The following LMAN1 variants were observed in gnomAD, a reference collection of about 807,000 sequenced individuals.
The protein encoded by LMAN1 is lectin, mannose binding 1.
Under a neutral mutation model 67.8 loss-of-function variants are expected in LMAN1, and 32 were observed. The ratio of observed to expected loss-of-function variants is 0.47; its 90% CI spans 0.36 to 0.63. The LOEUF (loss-of-function observed/expected upper bound fraction) is 0.63. Ranked by LOEUF, LMAN1 falls within the 30% of genes least tolerant of loss-of-function variation. The pLI, the probability that LMAN1 is intolerant of heterozygous loss-of-function variation, is 0.00. For synonymous variants in LMAN1, 235 were observed against 219.3 expected (o/e 1.07, Z -0.63); for missense variants, 632 against 628.2 (o/e 1.01, Z -0.06).
intron 7 of LMAN1, among the ~76,000 whole-genome samples, chr18:59,346,840 A>G (rs900930510): frequency 6.6e-6 from 1 of 152,016 alleles, no homozygotes; most frequent in Non-Finnish European, 1.5e-5. Flanking sequence ...TCTAATAATA[A>G]CCACTACCAT....
At chr18:59,342,021 C>G (rs1021014340) in intron 8 of LMAN1, among the ~76,000 whole-genome samples, 2 of 151,916 alleles carry the variant, frequency 1.3e-5, no homozygotes, top group Admixed American at 6.6e-5. Flanking sequence ...CACAAATACA[C>G]AAAAGATCGT....
At chr18:59,356,706 A>T (rs921580503) in intron 1 of LMAN1, among the ~76,000 whole-genome samples, 1 of 152,218 alleles carries the variant, frequency 6.6e-6, no homozygotes, top group Non-Finnish European at 1.5e-5. Context: ...CTGAACACAG[A>T]ATCAGAAGAC....
intron 12 of LMAN1, 95 bp downstream of exon 12, chr18:59,331,323 T>C: frequency 7.6e-7 from 1 of 1,314,458 alleles, no homozygotes; most frequent in Non-Finnish European, 1.1e-6. Flanking sequence ...TTATAGGTGG[T>C]GAAAATTGTA....
chr18:59,349,363 C>T (rs1338857201), intron 5 of LMAN1, 127 bp from the exon 6 acceptor site: 1 of 867,342 alleles, frequency 1.2e-6, no homozygotes, highest in African/African-American at 1.7e-5. Context: ...AATAACGTTT[C>T]CTACTTGGTG....
chr18:59,329,075 T>C lies in LMAN1; in HGVS notation c.*2018A>G, dbSNP rs909215639. On this transcript the variant is annotated 3_prime_UTR_variant, in exon 13 of 13. Transcript: ENST00000251047. Reference sequence around the variant, plus strand: ...TGATTTTTCCACAGAGCAAACCTTTTTGTTCAGAAATGAGCTCCTTAAAGT... The same window carrying C: ...TGATTTTTCCACAGAGCAAACCTTTCTGTTCAGAAATGAGCTCCTTAAAGT... 1 of 152,316 alleles carries C rather than the reference T, an allele frequency of 6.6e-6. No individual in the cohort carries two copies. Among genetic ancestry groups the C allele is most frequent in the Non-Finnish European group, 1.5e-5 (1 of 68,028 alleles). 9.4% of individuals were successfully genotyped at this position (152,316 alleles called of 1,614,324 possible).
At position 59,330,993 on chromosome 18, in the gene LMAN1, AAATT is replaced by A. The variant is rs772961315; in HGVS notation, c.*96_*99del. On this transcript the variant is annotated 3_prime_UTR_variant, in exon 13 of 13. Coordinates refer to ENST00000251047, the MANE Select transcript of LMAN1 (RefSeq NM_005570.4). The stretch of plus-strand genomic sequence containing the variant: ...TGTTTAAACAGTTATTTTATTAAGA[AAATT>A]AATAATTTAGACTATGAAGCAATTT... 2.5e-6 allele frequency: 2 copies of A among 803,326 alleles called. No individual in the cohort carries two copies. Among genetic ancestry groups the A allele is most frequent in the East Asian group, 2.6e-5 (1 of 38,160 alleles). The allele number at this position is 803,326 out of a possible 1,614,324, so 49.8% of individuals were successfully genotyped here. A position where few individuals can be genotyped will look rare whatever the true frequency, so the allele number is the denominator to read the frequency against.
At chr18:59,334,594 G>A (rs1312474115) in intron 10 of LMAN1, among the ~76,000 whole-genome samples, 2 of 152,280 alleles carry the variant, frequency 1.3e-5, no homozygotes, top group Admixed American at 1.3e-4. Context: ...TGGAAGGAGA[G>A]CAAGTGAAGA....
intron 7 of LMAN1, 67 bp from the exon 8 acceptor site, chr18:59,346,118 T>C (rs1196125563): frequency 5.2e-6 from 7 of 1,353,156 alleles, no homozygotes; most frequent in Non-Finnish European, 7.2e-6. Flanking sequence ...TCTCTATACA[T>C]GTTATTTTTC....
At chr18:59,347,188 G>T (rs554312601) in intron 7 of LMAN1, among the ~76,000 whole-genome samples, 1 of 151,204 alleles carries the variant, frequency 6.6e-6, no homozygotes, top group South Asian at 2.1e-4. Context: ...TCGCTCCCAG[G>T]TTCAAGTGAT....
intron 8 of LMAN1, among the ~76,000 whole-genome samples, chr18:59,343,017 C>G (rs1387415026): frequency 1.4e-5 from 2 of 145,072 alleles, no homozygotes; most frequent in Non-Finnish European, 3.0e-5. Flanking sequence ...AATGATCTAG[C>G]AGACCAAATC....
chr18:59,340,641 G>A lies in LMAN1; in HGVS notation c.956-1688C>T, dbSNP rs114116068. ...CAGCATGACAGGAAATGCTCAAAGCGGTCTTAAACATGGAAACAAAAGGGC... is the reference window on the plus strand; with the variant it reads ...CAGCATGACAGGAAATGCTCAAAGCAGTCTTAAACATGGAAACAAAAGGGC... On this transcript the variant is annotated intron_variant, in intron 8 of 12. Transcript: ENST00000251047. 2.7e-3 allele frequency among the ~76,000 whole-genome samples: 410 copies of A among 152,108 alleles called. 1 individual carries two copies. Among genetic ancestry groups the A allele is most frequent in the African/African-American group, 9.3e-3 (386 of 41,500 alleles).
chr18:59,355,744 A>G lies in LMAN1; in HGVS notation c.215-86T>C, dbSNP rs978107466. The G allele has an allele frequency of 4.5e-5, 64 of 1,415,526 alleles. No individual in the cohort carries two copies. The African/African-American group carries it at 8.7e-4, about 19-fold the overall frequency. 87.7% of individuals were successfully genotyped at this position (1,415,526 alleles called of 1,614,324 possible). A position where few individuals can be genotyped will look rare whatever the true frequency, so the allele number is the denominator to read the frequency against. ...TTTCCAAACTGCTAAATATACCTACAGAGACTTAGTAACCTGTACAATAAT... is the reference window on the plus strand; with the variant it reads ...TTTCCAAACTGCTAAATATACCTACGGAGACTTAGTAACCTGTACAATAAT... On this transcript the variant is annotated intron_variant, in intron 1 of 12. Transcript: ENST00000251047.
rs749171137 is a variant in LMAN1 at position 59,349,256 on chromosome 18, C to T, written c.640-20G>A. On this transcript the variant is annotated intron_variant, in intron 5 of 12. Coordinates refer to ENST00000251047, the MANE Select transcript of LMAN1 (RefSeq NM_005570.4). ...CATTACCTAGAAAGACATATCATAG[C>T]TATAGCTTTTGCAAAAGACATTAGA... The T allele has an allele frequency of 7.5e-6, 12 of 1,606,020 alleles. No homozygotes were observed. Among genetic ancestry groups the T allele is most frequent in the Non-Finnish European group, 1.0e-5 (12 of 1,172,890 alleles).
chr18:59,346,770 T>C (rs1418220398), intron 7 of LMAN1, among the ~76,000 whole-genome samples: 1 of 151,562 alleles, frequency 6.6e-6, no homozygotes, highest in African/African-American at 2.4e-5. Context: ...TCTGCCCACC[T>C]TGGCCTCCCA....
chr18:59,342,029 C>T (rs1239828847), intron 8 of LMAN1, among the ~76,000 whole-genome samples: 2 of 151,898 alleles, frequency 1.3e-5, no homozygotes, highest in Admixed American at 6.6e-5. Flanking sequence ...CACAAAAGAT[C>T]GTCAGAAACT....
At chr18:59,347,821 G>A (rs1272403346) in intron 6 of LMAN1, among the ~76,000 whole-genome samples, 2 of 152,180 alleles carry the variant, frequency 1.3e-5, no homozygotes, top group African/African-American at 2.4e-5. Context: ...ATTTAGCAGT[G>A]TTTAACATAT....
At chr18:59,358,351 C>T (rs1043510714) in intron 1 of LMAN1, among the ~76,000 whole-genome samples, 1 of 152,202 alleles carries the variant, frequency 6.6e-6, no homozygotes, top group Non-Finnish European at 1.5e-5. Flanking sequence ...TATATCCCTT[C>T]TCCTAAAAAG....
chr18:59,333,430 GC>G, intron 10 of LMAN1, 186 bp from the exon 11 acceptor site: 1 of 558,092 alleles, frequency 1.8e-6, no homozygotes, highest in Non-Finnish European at 3.1e-6. Context: ...ACGACATTAT[GC>G]CTTTATATTT....
chr18:59,355,523 C>T lies in LMAN1; in HGVS notation c.350G>A (p.Arg117Gln), dbSNP rs756464126. 6.8e-6 allele frequency: 11 copies of T among 1,613,976 alleles called. No individual in the cohort carries two copies. The East Asian group carries it at 8.9e-5, about 13-fold the overall frequency. ...EVTFRVTGRG[R>Q]IGADGLAIWY... ...TCATACTAGGCCATCAGCTCCAATT[C>T]GACCTCTTCCAGTCACTCGAAATGT... The change falls in exon 2 of 13, where the codon CGA (arginine) becomes CAA (glutamine). Residue 117 changes from arginine to glutamine, a missense_variant. Transcript: ENST00000251047.
Sources: gnomAD v4.1 joint callset for allele counts (sites outside exome capture counted in the v4.1 genomes callset) on GRCh38, gnomAD v4.1.1 for gene constraint, MANE v1.5 for transcripts, NCBI Gene and HGNC (gene_info 2026-07-23, HGNC 2026-07-21) for gene names.